Variants in RAB3C observed in about 807,000 individuals in gnomAD.
RAB3C encodes the protein RAB3C, member RAS oncogene family, also known as ras-related protein Rab-3C.
In RAB3C, 17 loss-of-function variants were observed where a neutral mutation model predicts 26.4. The observed-to-expected ratio is 0.64, with a 90% confidence interval of 0.44 to 0.97. The LOEUF (loss-of-function observed/expected upper bound fraction) is 0.97. RAB3C is among the 50% of genes least tolerant of loss of function. The pLI, the probability that RAB3C is intolerant of heterozygous loss-of-function variation, is 0.00. For missense variants in RAB3C, 242 were observed against 281.9 expected, an observed-to-expected ratio of 0.86 and a Z score of 1.01; for synonymous variants, 91 against 95.9, an observed-to-expected ratio of 0.95 and a Z score of 0.30.
intron 3 of RAB3C, among the ~76,000 whole-genome samples, chr5:58,726,974 T>C (rs1193066677): frequency 6.6e-6 from 1 of 151,908 alleles, no homozygotes; most frequent in Non-Finnish European, 1.5e-5. Flanking sequence ...TGTGTGACAT[T>C]AGGAAGGAAA....
chr5:58,696,136 C>A (rs1360146916), intron 2 of RAB3C, among the ~76,000 whole-genome samples: 3 of 152,080 alleles, frequency 2.0e-5, no homozygotes, highest in Non-Finnish European at 4.4e-5. Flanking sequence ...GCAGGAAGAG[C>A]TGTTGAATTT....
intron 2 of RAB3C, among the ~76,000 whole-genome samples, chr5:58,703,679 G>C (rs191264266): frequency 6.6e-4 from 101 of 152,168 alleles, no homozygotes; most frequent in Middle Eastern, 3.4e-3. Flanking sequence ...CACTTTGAGG[G>C]CTACTAAAAG....
intron 3 of RAB3C, among the ~76,000 whole-genome samples, chr5:58,757,478 T>A (rs190684851): frequency 1.3e-5 from 2 of 152,402 alleles, no homozygotes; most frequent in African/African-American, 4.8e-5. Context: ...AATGAAACAT[T>A]TCCCGTTTGG....
intron 3 of RAB3C, among the ~76,000 whole-genome samples, chr5:58,751,283 A>G (rs1489318729): frequency 6.6e-6 from 1 of 152,236 alleles, no homozygotes; most frequent in East Asian, 1.9e-4. Context: ...GGTAGAATTG[A>G]GAAGTATTGT....
intron 3 of RAB3C, among the ~76,000 whole-genome samples, chr5:58,758,444 A>G (rs192355765): frequency 4.6e-5 from 7 of 152,266 alleles, no homozygotes; most frequent in Admixed American, 3.9e-4. Flanking sequence ...ATATATAGAC[A>G]TATTGTTTAT....
At chr5:58,607,325 C>T (rs1335427427) in intron 1 of RAB3C, among the ~76,000 whole-genome samples, 1 of 151,910 alleles carries the variant, frequency 6.6e-6, no homozygotes, top group Non-Finnish European at 1.5e-5. Context: ...GATTGAGAAT[C>T]AAATTAATGA....
In RAB3C at chr5:58,689,952, C is replaced by T. The variant is rs547674133; in HGVS notation, c.253-36050C>T. ...CAAAAGCCCAATGTGTGAAGCAATA[C>T]TTAGGGGAGATATCTCGAAGTTTAT... On this transcript the variant is annotated intron_variant, in intron 2 of 4. Coordinates refer to ENST00000282878, the MANE Select transcript of RAB3C (RefSeq NM_138453.4). 7.2e-5 allele frequency among the ~76,000 whole-genome samples: 11 copies of T among 152,244 alleles called. 1 individual carries two copies. In the South Asian group the frequency reaches 2.3e-3, roughly 32 times the overall value.
intron 2 of RAB3C, among the ~76,000 whole-genome samples, chr5:58,636,747 C>T (rs1054761422): frequency 5.9e-5 from 9 of 152,150 alleles, no homozygotes; most frequent in African/African-American, 1.9e-4. Flanking sequence ...GTCTCCTTTT[C>T]GTTCCCGAAG....
intron 1 of RAB3C, among the ~76,000 whole-genome samples, chr5:58,584,272 T>C (rs1283146184): frequency 6.6e-6 from 1 of 152,218 alleles, no homozygotes; most frequent in Admixed American, 6.5e-5. Context: ...TTGATTTACT[T>C]TTAATTTATT....
chr5:58,782,353 C>A (rs1488341167), intron 3 of RAB3C, among the ~76,000 whole-genome samples: 1 of 152,094 alleles, frequency 6.6e-6, no homozygotes, highest in African/African-American at 2.4e-5. Context: ...TACATGCCCC[C>A]CTACTTCCTC....
Position 58,857,292 on chromosome 5 carries a change from A to G in RAB3C, c.*5941A>G, listed in dbSNP as rs1337172374. On this transcript the variant is annotated 3_prime_UTR_variant, in exon 5 of 5. Coordinates refer to ENST00000282878, the MANE Select transcript of RAB3C (RefSeq NM_138453.4). ...AACCCCTCTGTGCCTACTTCAAAATACTTTTTTCTTATAAAACCAAACATT... is the reference window on the plus strand; with the variant it reads ...AACCCCTCTGTGCCTACTTCAAAATGCTTTTTTCTTATAAAACCAAACATT... 3 of 152,248 alleles carry G rather than the reference A, an allele frequency of 2.0e-5. No individual in the cohort carries two copies. The highest frequency in any genetic ancestry group is 3.9e-4 in the East Asian group (2 of 5,184). The allele number at this position is 152,248 out of a possible 1,614,324, so 9.4% of individuals were successfully genotyped here.
chr5:58,780,754 A>G (rs1052131707), intron 3 of RAB3C, among the ~76,000 whole-genome samples: 1 of 152,128 alleles, frequency 6.6e-6, no homozygotes, highest in Non-Finnish European at 1.5e-5. Flanking sequence ...TGTTGCTGGC[A>G]TAATCAGTGT....
At position 58,810,651 on chromosome 5, in the gene RAB3C, T is replaced by C. The variant is rs145938031; in HGVS notation, c.372-14387T>C. On this transcript the variant is annotated intron_variant, in intron 3 of 4. Transcript: ENST00000282878. Reference sequence around the variant, plus strand: ...TCACTGTGTCACCCAGGCTGGAGTATAGTGGCATGATTTCCACTCACTGCA... The same window carrying C: ...TCACTGTGTCACCCAGGCTGGAGTACAGTGGCATGATTTCCACTCACTGCA... Among the ~76,000 whole-genome samples the C allele has an allele frequency of 3.3e-5, 5 of 152,236 alleles. No individual in the cohort carries two copies. The East Asian group carries it at 9.7e-4, about 29-fold the overall frequency.
chr5:58,727,154 T>A (rs1380489404), intron 3 of RAB3C, among the ~76,000 whole-genome samples: 1 of 151,978 alleles, frequency 6.6e-6, no homozygotes, highest in Non-Finnish European at 1.5e-5. Flanking sequence ...GATAATATTA[T>A]CCAAAATGAT....
intron 1 of RAB3C, among the ~76,000 whole-genome samples, chr5:58,589,636 A>G (rs1746087395): frequency 6.6e-6 from 1 of 152,158 alleles, no homozygotes; most frequent in African/African-American, 2.4e-5. Flanking sequence ...TCCCTTTAGT[A>G]TATTGTATTA....
At chr5:58,749,116 T>C (rs1741465929) in intron 3 of RAB3C, among the ~76,000 whole-genome samples, 1 of 151,850 alleles carries the variant, frequency 6.6e-6, no homozygotes, top group African/African-American at 2.4e-5. Context: ...TAAACTTCTA[T>C]CATGCCCTTA....
chr5:58,592,566 A>G lies in RAB3C; in HGVS notation c.24+9334A>G, dbSNP rs78417905. Among the ~76,000 whole-genome samples, 661 of 152,250 alleles carry G rather than the reference A, an allele frequency of 4.3e-3. 3 individuals are homozygous for G. Among genetic ancestry groups the G allele is most frequent in the African/African-American group, 0.015 (620 of 41,554 alleles). ...GGTATCATTTTTCTTCAGCCTGAAC[A>G]ACCTCGATTAGCATTTCCTGTAGGA... On this transcript the variant is annotated intron_variant, in intron 1 of 4. Coordinates refer to ENST00000282878, the MANE Select transcript of RAB3C (RefSeq NM_138453.4).
chr5:58,659,706 T>A (rs906666443), intron 2 of RAB3C, among the ~76,000 whole-genome samples: 5 of 152,232 alleles, frequency 3.3e-5, no homozygotes, highest in Admixed American at 3.3e-4. Context: ...TTGTCAATAT[T>A]AAACTTTCAA....
intron 4 of RAB3C, among the ~76,000 whole-genome samples, chr5:58,841,266 G>T (rs925672220): frequency 3.3e-5 from 5 of 152,196 alleles, no homozygotes; most frequent in Non-Finnish European, 1.5e-5. Flanking sequence ...GAGTAGAGTT[G>T]CCCTGGGCAA....
Sources: gnomAD v4.1 joint callset for allele counts (sites outside exome capture counted in the v4.1 genomes callset) on GRCh38, gnomAD v4.1.1 for gene constraint, MANE v1.5 for transcripts, NCBI Gene and HGNC (gene_info 2026-07-23, HGNC 2026-07-21) for gene names.